GRHL2: variants seen among roughly 807,000 people sequenced by gnomAD.
The protein encoded by GRHL2 is grainyhead-like protein 2 homolog.
In GRHL2, 21 loss-of-function variants were observed where a neutral mutation model predicts 83.8. The ratio of observed to expected loss-of-function variants is 0.25; its 90% confidence interval spans 0.18 to 0.36. The LOEUF is 0.36. Ranked by LOEUF, GRHL2 falls within the 10% of genes least tolerant of loss-of-function variation. The pLI, the probability that GRHL2 is intolerant of heterozygous loss-of-function variation, is 1.00. For missense variants in GRHL2, 623 were observed against 781.8 expected, an observed-to-expected ratio of 0.80 and a Z score of 2.42; for synonymous variants, 280 against 278.9, an observed-to-expected ratio of 1.00 and a Z score of -0.04.
At chr8:101,501,474 G>A (rs895639839) in intron 1 of GRHL2, among the ~76,000 whole-genome samples, 4 of 152,144 alleles carry the variant, frequency 2.6e-5, no homozygotes, top group Admixed American at 2.6e-4. Context: ...TAGGAGACAA[G>A]GAAAGGCTGA....
At chr8:101,622,195 A>G (rs1188783423) in intron 9 of GRHL2, among the ~76,000 whole-genome samples, 1 of 152,244 alleles carries the variant, frequency 6.6e-6, no homozygotes, top group African/African-American at 2.4e-5. Context: ...ACTTTTCAAC[A>G]GCAACACCTT....
At chr8:101,507,248 A>AC (rs751552727) in intron 1 of GRHL2, among the ~76,000 whole-genome samples, 3 of 151,490 alleles carry the variant, frequency 2.0e-5, no homozygotes, top group Admixed American at 1.3e-4. Context: ...AAGATTTAAA[A>AC]ATGTTCAGAG....
At chr8:101,494,881 T>G (rs1316013906) in intron 1 of GRHL2, among the ~76,000 whole-genome samples, 1 of 152,222 alleles carries the variant, frequency 6.6e-6, no homozygotes, top group East Asian at 1.9e-4. Flanking sequence ...AACGTTGCTT[T>G]TATCTAGTCG....
Position 101,622,378 on chromosome 8 carries a change from A to C in GRHL2, c.1257+2681A>C, listed in dbSNP as rs78421372. On this transcript the variant is annotated intron_variant, in intron 9 of 15. Transcript: ENST00000646743. ...GGGACTCTAGTAGTCAACAAACTTT[A>C]GACAAGCAATATTACTGTAAAGACA... 9.1e-3 allele frequency among the ~76,000 whole-genome samples: 1,385 copies of C among 152,328 alleles called. 20 individuals carry two copies. The highest frequency in any genetic ancestry group is 0.032 in the African/African-American group (1,323 of 41,564).
At chr8:101,674,539 C>G (rs867166601), downstream of GRHL2, among the ~76,000 whole-genome samples, 2 of 152,290 alleles carry the variant, frequency 1.3e-5, no homozygotes, top group Middle Eastern at 3.4e-3. Flanking sequence ...AGACCAATAA[C>G]AGGCTCTGAA....
At chr8:101,672,578 T>C (rs1346151780), downstream of GRHL2, among the ~76,000 whole-genome samples, 2 of 151,828 alleles carry the variant, frequency 1.3e-5, no homozygotes, top group African/African-American at 2.4e-5. Flanking sequence ...CCATGTCTGA[T>C]TGGTGTACCT....
At chr8:101,680,490 C>G in the GRHL2 span, among the ~76,000 whole-genome samples, 1,527 of 139,960 alleles carry the variant, frequency 0.011, 10 homozygotes, top group Non-Finnish European at 0.015. Flanking sequence ...GACTTTAACA[C>G]CCCACTGTCA....
intron 14 of GRHL2, 126 bp from the exon 15 acceptor site, chr8:101,664,328 G>T: frequency 1.5e-6 from 1 of 683,352 alleles, no homozygotes; most frequent in Non-Finnish European, 2.6e-6. Context: ...TTGAGAGTTC[G>T]ACTCATGAGT....
intron 7 of GRHL2, among the ~76,000 whole-genome samples, chr8:101,595,766 G>A (rs1349734757): frequency 2.0e-5 from 3 of 149,762 alleles, no homozygotes; most frequent in South Asian, 2.1e-4. Flanking sequence ...AATACCCTAA[G>A]AAAAAAAAAA....
At chr8:101,609,350 G>GTA (rs5893576) in intron 8 of GRHL2, among the ~76,000 whole-genome samples, 74,728 of 150,034 alleles carry the variant, frequency 0.5, 20,874 homozygotes, top group African/African-American at 0.71. Flanking sequence ...ACAAATACTT[G>GTA]TCTCCCAACC....
intron 14 of GRHL2, among the ~76,000 whole-genome samples, chr8:101,654,091 G>A (rs1813734001): frequency 6.6e-6 from 1 of 152,148 alleles, no homozygotes; most frequent in African/African-American, 2.4e-5. Context: ...AATTGGCCTG[G>A]GTCTAGGCTA....
chr8:101,540,288 C>A (rs955985993), intron 1 of GRHL2, among the ~76,000 whole-genome samples: 1 of 152,106 alleles, frequency 6.6e-6, no homozygotes, highest in African/African-American at 2.4e-5. Flanking sequence ...AGAAAGTGAA[C>A]GTTAGACATT....
chr8:101,527,774 T>G (rs1297583990), intron 1 of GRHL2, among the ~76,000 whole-genome samples: 1 of 152,210 alleles, frequency 6.6e-6, no homozygotes, highest in African/African-American at 2.4e-5. Flanking sequence ...TTTTCACGAC[T>G]AAACAGGTAT....
chr8:101,569,731 A>G (rs977523481), intron 4 of GRHL2, among the ~76,000 whole-genome samples: 13 of 152,306 alleles, frequency 8.5e-5, no homozygotes, highest in African/African-American at 3.1e-4. Flanking sequence ...TTGGCCTCCC[A>G]AAGTGCGGGA....
At chr8:101,536,247 C>T (rs181788992) in intron 1 of GRHL2, among the ~76,000 whole-genome samples, 1 of 152,158 alleles carries the variant, frequency 6.6e-6, no homozygotes, top group African/African-American at 2.4e-5. Flanking sequence ...ATGTTATAGG[C>T]AGTAAAGAGT....
rs1813665983 is a variant in GRHL2, at chr8:101,652,427, T to TGTGTGTGTGGTGTGTGTG, written c.1698+2936_1698+2937insGGTGTGTGTGGTGTGTGT. Among the ~76,000 whole-genome samples the TGTGTGTGTGGTGTGTGTG allele has an allele frequency of 3.6e-5, 2 of 55,210 alleles. 1 individual carries two copies. The highest frequency in any genetic ancestry group is 3.9e-4 in the Admixed American group (2 of 5,168). 36.2% of individuals were successfully genotyped at this position (55,210 alleles called of 152,430 possible). Reference sequence around the variant, plus strand: ...GTGTGTGTGTGGTGTGTGTGTGTGGTGTGTGTGTCTGGTGTGTGTGGTGTG... The same window carrying TGTGTGTGTGGTGTGTGTG: ...GTGTGTGTGTGGTGTGTGTGTGTGGTGTGTGTGTGGTGTGTGTGGTGTGTGTCTGGTGTGTGTGGTGTG... On this transcript the variant is annotated intron_variant, in intron 14 of 15. Coordinates refer to ENST00000646743, the MANE Select transcript of GRHL2 (RefSeq NM_024915.4).
chr8:101,604,807 A>G (rs1002832426), intron 8 of GRHL2, among the ~76,000 whole-genome samples: 2 of 152,214 alleles, frequency 1.3e-5, no homozygotes, highest in Non-Finnish European at 2.9e-5. Flanking sequence ...AGATAAGTCT[A>G]CTACTGGCCA....
chr8:101,511,128 C>T (rs1563557192), intron 1 of GRHL2, among the ~76,000 whole-genome samples: 1 of 151,936 alleles, frequency 6.6e-6, no homozygotes, highest in Non-Finnish European at 1.5e-5. Context: ...TTTCACTTGC[C>T]TTATTATTTA....
chr8:101,587,867 C>T lies in GRHL2; in HGVS notation c.1003+10348C>T, dbSNP rs7009608. Reference sequence around the variant, plus strand: ...TAGAAGTTTCTCTCCCTGTGGCCTTCAATAGAAACAAATATATGTCTTTGT... The same window carrying T: ...TAGAAGTTTCTCTCCCTGTGGCCTTTAATAGAAACAAATATATGTCTTTGT... On this transcript the variant is annotated intron_variant, in intron 7 of 15. Coordinates refer to ENST00000646743, the MANE Select transcript of GRHL2 (RefSeq NM_024915.4). Among the ~76,000 whole-genome samples, 1,475 of 152,248 alleles carry T rather than the reference C, an allele frequency of 9.7e-3. 22 individuals are homozygous for T. Among genetic ancestry groups the T allele is most frequent in the African/African-American group, 0.034 (1,401 of 41,528 alleles).
Sources: allele counts gnomAD v4.1 joint callset (sites outside exome capture counted in the v4.1 genomes callset), GRCh38; gene constraint gnomAD v4.1.1; transcripts MANE v1.5; gene names NCBI Gene and HGNC (gene_info 2026-07-23, HGNC 2026-07-21).